Variants in WNK2 observed in about 807,000 individuals in gnomAD.
WNK2 encodes the protein serine/threonine-protein kinase WNK2.
Under a neutral mutation model 192.1 loss-of-function variants are expected in WNK2, and 67 were observed. That is an observed-to-expected ratio of 0.35 (90% CI 0.29 to 0.43). The LOEUF is 0.43. Ranked by LOEUF, WNK2 falls within the 20% of genes least tolerant of loss-of-function variation. WNK2 has a pLI of 1.00. For missense variants in WNK2, 2,698 were observed against 3,089.7 expected (o/e 0.87, Z 3.01); for synonymous variants, 1,439 against 1,393.9 (o/e 1.03, Z -0.72).
chr9:93,239,165 C>A lies in WNK2; in HGVS notation c.1323-592C>A, dbSNP rs1190582934. ...GGCAACACCCTGTGGCCCGCCCTCC[C>A]GGATCCCTGCAAAGAGCCTTCGAGG... On this transcript the variant is annotated intron_variant, in intron 6 of 29. Coordinates refer to ENST00000427277, the MANE Select transcript of WNK2 (RefSeq NM_006648.4). This position sits in a 1 kb window ranked among gnomAD's most constrained non-coding sequence, Gnocchi z 4.2. 6.6e-6 allele frequency among the ~76,000 whole-genome samples: 1 copy of A among 152,234 alleles called. No homozygotes were observed. The highest frequency in any genetic ancestry group is 1.5e-5 in the Non-Finnish European group (1 of 68,044).
At position 93,308,504 on chromosome 9, in the gene WNK2, C is replaced by T. The variant is rs1440374484; in HGVS notation, c.6436C>T (p.Leu2146Phe). The T allele has an allele frequency of 1.9e-6, 3 of 1,607,380 alleles. No individual in the cohort carries two copies. Among genetic ancestry groups the T allele is most frequent in the Non-Finnish European group, 1.7e-6 (2 of 1,177,628 alleles). The change falls in exon 28 of 30, where the codon CTC (leucine) becomes TTC (phenylalanine). Residue 2146 changes from leucine (L) to phenylalanine (F), a missense_variant. Transcript: ENST00000427277. Reference sequence around the variant, plus strand: ...GGGGGCCGCGCAGCTGAAGCCCACGCTCAACCAGCTGAAGCAGACCCAGAA... The same window carrying T: ...GGGGGCCGCGCAGCTGAAGCCCACGTTCAACCAGCTGAAGCAGACCCAGAA... ...TVGAAQLKPT[L>F]NQLKQTQKLQ... is the part of the protein sequence containing the mutation.
intron 28 of WNK2, among the ~76,000 whole-genome samples, chr9:93,309,637 T>G (rs947543956): frequency 1.2e-4 from 19 of 152,358 alleles, no homozygotes; most frequent in African/African-American, 4.6e-4. Context: ...TCTCTCTTTA[T>G]GCAATCTCCT....
chr9:93,302,365 G>A (rs948157512), intron 26 of WNK2, among the ~76,000 whole-genome samples: 3 of 152,100 alleles, frequency 2.0e-5, no homozygotes, highest in Admixed American at 1.3e-4. Context: ...ACACCGAGGG[G>A]TCGGGGGTCG....
rs1844485154 is a variant in WNK2, at chr9:93,262,701, T to G, written c.3392T>G (p.Leu1131Arg). ...GCCTCACAGGACAAGCCGCCCGGCCTCCCGCAGAGCTGTGAGAGGTAGTGT... is the reference window on the plus strand; with the variant it reads ...GCCTCACAGGACAAGCCGCCCGGCCGCCCGCAGAGCTGTGAGAGGTAGTGT... ...EQASQDKPPG[L>R]PQSCESYGGS... The change falls in exon 14 of 30, where the codon CTC becomes CGC. Residue 1131 changes from leucine (L) to arginine (R), a missense_variant. Leu to Arg is a moderately radical substitution (Grantham distance 102). Around this residue, in one of 7 missense-constraint regions of WNK2, gnomAD observed 893 missense variants for 909.0 expected, o/e 0.98. Coordinates refer to ENST00000427277, the MANE Select transcript of WNK2 (RefSeq NM_006648.4). The G allele has an allele frequency of 6.8e-6, 11 of 1,612,458 alleles. No individual in the cohort carries two copies. Among genetic ancestry groups the G allele is most frequent in the Non-Finnish European group, 8.5e-6 (10 of 1,179,884 alleles).
rs568296567 is a variant in WNK2 at position 93,293,020 on chromosome 9, C to T, written c.5555C>T (p.Ser1852Leu). The stretch of plus-strand genomic sequence containing the variant: ...CTGCAGAGGCCTTCTCGGGCCGGCT[C>T]GCTGGGCCCCGAGACACCCAGCAGG... The part of the protein sequence containing the change: ...AFLQRPSRAG[S>L]LGPETPSRVG... The change falls in exon 23 of 30, where the codon TCG (serine) becomes TTG (leucine). Residue 1852 changes from serine to leucine, a missense_variant. Around this residue, in one of 7 missense-constraint regions of WNK2, gnomAD observed 1,098 missense variants for 1,101.0 expected, o/e 1.00. Coordinates refer to ENST00000427277, the MANE Select transcript of WNK2 (RefSeq NM_006648.4). 58 of 1,600,334 alleles carry T rather than the reference C, an allele frequency of 3.6e-5. No homozygotes were observed. In the East Asian group the frequency reaches 5.4e-4, roughly 15 times the overall value.
chr9:93,290,081 G>A, intron 21 of WNK2, 34 bp downstream of exon 21: 1 of 1,545,090 alleles, frequency 6.5e-7, no homozygotes, highest in Non-Finnish European at 8.8e-7. Flanking sequence ...GCGTTCACAA[G>A]GTGCTGCCTG....
rs1164287823 is a variant in WNK2 at position 93,239,338 on chromosome 9, A to C, written c.1323-419A>C. ...TCATGGCACTGGGCACAGGGAGCTC[A>C]GAGCGTGGGGGGCTCCGCCTCTGTG... On this transcript the variant is annotated intron_variant, in intron 6 of 29. Coordinates refer to ENST00000427277, the MANE Select transcript of WNK2 (RefSeq NM_006648.4). This position sits in a 1 kb window ranked among gnomAD's most constrained non-coding sequence, Gnocchi z 4.2. 6.6e-6 allele frequency among the ~76,000 whole-genome samples: 1 copy of C among 152,242 alleles called. No individual in the cohort carries two copies. The highest frequency in any genetic ancestry group is 1.9e-4 in the East Asian group (1 of 5,194).
intron 21 of WNK2, 56 bp downstream of exon 21, chr9:93,290,103 C>A (rs1280241218): frequency 2.7e-6 from 4 of 1,483,630 alleles, no homozygotes; most frequent in Non-Finnish European, 2.7e-6. Context: ...CTTCCTTGCC[C>A]CAGAACCTTC....
At chr9:93,265,932 G>A (rs1395792677) in intron 16 of WNK2, among the ~76,000 whole-genome samples, 1 of 152,192 alleles carries the variant, frequency 6.6e-6, no homozygotes, top group East Asian at 1.9e-4. Flanking sequence ...TGTAAAAATA[G>A]CATCTTCTCA....
chr9:93,237,786 A>G (rs1258020733), intron 5 of WNK2, among the ~76,000 whole-genome samples: 1 of 151,848 alleles, frequency 6.6e-6, no homozygotes, highest in Non-Finnish European at 1.5e-5. Flanking sequence ...GGCATTGACA[A>G]TGCACATGTG....
At chr9:93,318,462 G>T in intron 29 of WNK2, 3 of 1,614,160 alleles carry the variant, frequency 1.9e-6, no homozygotes, top group South Asian at 2.2e-5. Context: ...TGCTTGCTCA[G>T]TAGGGAATGT....
chr9:93,216,670 T>C (rs1835791187), intron 2 of WNK2, among the ~76,000 whole-genome samples: 1 of 151,692 alleles, frequency 6.6e-6, no homozygotes, highest in African/African-American at 2.4e-5. Context: ...AGCGAGCACC[T>C]GTGGTATCAG....
chr9:93,312,408 C>T (rs781619197), intron 28 of WNK2, among the ~76,000 whole-genome samples: 1 of 152,046 alleles, frequency 6.6e-6, no homozygotes, highest in Non-Finnish European at 1.5e-5. Context: ...TTGTGTCTCA[C>T]TCTGTCGCCA....
chr9:93,187,290 T>C (rs1395514252), intron 2 of WNK2, among the ~76,000 whole-genome samples: 3 of 152,174 alleles, frequency 2.0e-5, no homozygotes, highest in South Asian at 4.2e-4. Context: ...CCTGCAGGCA[T>C]GGGGTGGAGC....
At chr9:93,310,114 T>A (rs948400986) in intron 28 of WNK2, among the ~76,000 whole-genome samples, 11 of 152,192 alleles carry the variant, frequency 7.2e-5, no homozygotes, top group Admixed American at 5.9e-4. Context: ...CTGAATCTGT[T>A]CCCTTCTCTC....
At chr9:93,313,769 TA>T (rs1404629889) in intron 28 of WNK2, among the ~76,000 whole-genome samples, 1 of 152,238 alleles carries the variant, frequency 6.6e-6, no homozygotes, top group Non-Finnish European at 1.5e-5. Context: ...GTTCATCATA[TA>T]TCTTTTGTCA....
rs758846320 is a variant in WNK2 at position 93,185,514 on chromosome 9, C to A, written c.585C>A (p.Leu195=). 6.2e-7 allele frequency: 1 copy of A among 1,612,986 alleles called. No homozygotes were observed. Among genetic ancestry groups the A allele is most frequent in the African/African-American group, 1.3e-5 (1 of 75,068 alleles). The change falls in exon 2 of 30, where the codon CTC becomes CTA. Residue 195 remains leucine (L), a synonymous_variant. Transcript: ENST00000427277. ...CCACCTCTCTGGACGGCCGCTTCCT[C>A]AAGTTCGACATCGAGCTGGGCCGCG... ...AVATSLDGRF[L]KFDIELGRGS...
At chr9:93,194,319 T>C (rs753381825) in intron 2 of WNK2, among the ~76,000 whole-genome samples, 1 of 152,192 alleles carries the variant, frequency 6.6e-6, no homozygotes, top group Admixed American at 6.5e-5. Context: ...ACCCATCTGC[T>C]TAAGGACTGT....
At chr9:93,317,841 A>G in intron 29 of WNK2, 2 of 1,516,672 alleles carry the variant, frequency 1.3e-6, no homozygotes, top group Non-Finnish European at 1.8e-6. Context: ...CCGGCTGCGG[A>G]TCACGTAGCC....
Sources: gnomAD v4.1 joint callset for allele counts (sites outside exome capture counted in the v4.1 genomes callset) on GRCh38, gnomAD v4.1.1 for gene constraint, gnomAD v4.1.1 regional missense constraint, Gnocchi (gnomAD v3.1) non-coding constraint, MANE v1.5 for transcripts, NCBI Gene and HGNC (gene_info 2026-07-23, HGNC 2026-07-21) for gene names.